The following STRADA variants were observed in gnomAD, a reference collection of about 807,000 sequenced individuals.
The protein encoded by STRADA is STE20 related adaptor alpha.
STRADA carries 26 observed loss-of-function variants against 55.0 expected under a neutral mutation model. That is an observed-to-expected ratio of 0.47 (90% CI 0.35 to 0.66). The LOEUF (loss-of-function observed/expected upper bound fraction) is 0.66, where lower values mean the gene tolerates loss of function less well. Among genes scored for constraint, STRADA ranks in the 30% least tolerant of loss-of-function variants. The pLI is 0.01. For missense variants in STRADA, 443 were observed against 549.7 expected (o/e 0.81, Z 1.94); for synonymous variants, 197 against 210.9 (o/e 0.93, Z 0.57).
chr17:63,714,338 C>G, intron 4 of STRADA: 2 of 455,026 alleles, frequency 4.4e-6, no homozygotes, highest in Admixed American at 6.3e-5. Flanking sequence ...AGACAAGGAC[C>G]TGTTCCCATC....
At chr17:63,728,486 A>C in intron 1 of STRADA, 73 bp from the exon 2 acceptor site, 1 of 795,180 alleles carries the variant, frequency 1.3e-6, no homozygotes, top group Non-Finnish European at 2.0e-6. Context: ...ATTAACAAAA[A>C]CTTATTACAG....
intron 1 of STRADA, among the ~76,000 whole-genome samples, chr17:63,740,532 TAAAG>T (rs938602742): frequency 2.0e-5 from 3 of 151,880 alleles, no homozygotes; most frequent in African/African-American, 7.3e-5. Context: ...AAAATAAAAA[TAAAG>T]AGAGAAAATA....
rs771962134 is a variant in STRADA, at chr17:63,740,086, C to CTATATATATATATA, written c.-45+1641_-45+1654dup. ...CCCAGCCTATCAGAAACATTTAACACTATATATATATATATATATATACAT... is the reference window on the plus strand; with the variant it reads ...CCCAGCCTATCAGAAACATTTAACACTATATATATATATATATATATATATATATATATATACAT... On this transcript the variant is annotated intron_variant, in intron 1 of 12. Coordinates refer to ENST00000336174, the MANE Select transcript of STRADA (RefSeq NM_001003787.4). Among the ~76,000 whole-genome samples, 281 of 41,506 alleles carry CTATATATATATATA rather than the reference C, an allele frequency of 6.8e-3. 29 individuals are homozygous for CTATATATATATATA. The highest frequency in any genetic ancestry group is 0.052 in the African/African-American group (257 of 4,986). 27.2% of individuals were successfully genotyped at this position (41,506 alleles called of 152,430 possible).
At chr17:63,716,542 G>A (rs925868302) in intron 4 of STRADA, among the ~76,000 whole-genome samples, 11 of 152,026 alleles carry the variant, frequency 7.2e-5, no homozygotes, top group East Asian at 3.8e-4. Context: ...TCATGTGAGC[G>A]TTCTCCAAGG....
intron 4 of STRADA, among the ~76,000 whole-genome samples, chr17:63,718,511 A>G: frequency 6.6e-6 from 1 of 152,196 alleles, no homozygotes; most frequent in African/African-American, 2.4e-5. Context: ...TTTCTTAAGT[A>G]TTAATCTATT....
chr17:63,714,821 G>C (rs997357879), intron 4 of STRADA, among the ~76,000 whole-genome samples: 1 of 152,236 alleles, frequency 6.6e-6, no homozygotes, highest in Non-Finnish European at 1.5e-5. Flanking sequence ...AGGTCCTAGA[G>C]GAAGGTGTCC....
rs557629042 is a variant in STRADA at position 63,707,726 on chromosome 17, AT to A, written c.582-309del. Among the ~76,000 whole-genome samples, 178 of 145,388 alleles carry A rather than the reference AT, an allele frequency of 1.2e-3. 2 individuals carry two copies. Among genetic ancestry groups the A allele is most frequent in the East Asian group, 9.4e-3 (47 of 5,004 alleles). On this transcript the variant is annotated intron_variant, in intron 8 of 12. Coordinates refer to ENST00000336174, the MANE Select transcript of STRADA (RefSeq NM_001003787.4). ...AGGTGTGCACCACCACACCCAGCTA[AT>A]TTTTTTTTTTCTTTTTTTTTTGAGA...
In STRADA at chr17:63,703,614, G is replaced by C; in HGVS notation, c.1281C>G (p.Asp427Glu). Reference sequence around the variant, plus strand: ...TTGCAGAGGCTCAGAACTCCCAATCGTCCACCTCCAGCTCTTCCAGGTTTG... The same window carrying C: ...TTGCAGAGGCTCAGAACTCCCAATCCTCCACCTCCAGCTCTTCCAGGTTTG... ...LVTNLEELEVDDWEF is the reference protein window; with the variant it reads ...LVTNLEELEVEDWEF Residue 427 changes from aspartate to glutamate, a missense_variant, in exon 13 of 13, where the codon GAC becomes GAG. Coordinates refer to ENST00000336174, the MANE Select transcript of STRADA (RefSeq NM_001003787.4). 1 of 1,613,946 alleles carries C rather than the reference G, an allele frequency of 6.2e-7. No homozygotes were observed. Among genetic ancestry groups the C allele is most frequent in the Non-Finnish European group, 8.5e-7 (1 of 1,179,914 alleles).
At chr17:63,735,061 A>G (rs2038319339) in intron 1 of STRADA, among the ~76,000 whole-genome samples, 1 of 152,130 alleles carries the variant, frequency 6.6e-6, no homozygotes, top group African/African-American at 2.4e-5. Context: ...AAGCTGAGAC[A>G]GGAGAATCGT....
At chr17:63,733,353 A>AT (rs2038200468) in intron 1 of STRADA, among the ~76,000 whole-genome samples, 1 of 81,340 alleles carries the variant, frequency 1.2e-5, no homozygotes, top group Non-Finnish European at 2.3e-5. Context: ...TCAGAATACA[A>AT]TCTTTTTTTT....
At chr17:63,720,886 C>T (rs930310540) in intron 4 of STRADA, among the ~76,000 whole-genome samples, 10 of 144,288 alleles carry the variant, frequency 6.9e-5, no homozygotes, top group Middle Eastern at 4.3e-3. Context: ...CATCTGAGGT[C>T]AGGAGTTCGA....
At chr17:63,718,414 CAACG>C (rs1352656330) in intron 4 of STRADA, among the ~76,000 whole-genome samples, 1 of 152,228 alleles carries the variant, frequency 6.6e-6, no homozygotes, top group Non-Finnish European at 1.5e-5. Context: ...TTAGAATTCA[CAACG>C]CTCATTTGGT....
chr17:63,741,320 CCTTACGAGGA>C (rs1889497073), intron 1 of STRADA: 1 of 152,262 alleles, frequency 6.6e-6, no homozygotes, highest in Non-Finnish European at 1.5e-5. Flanking sequence ...GATCTTGTGT[CCTTACGAGGA>C]CTTGACCCGC....
intron 1 of STRADA, among the ~76,000 whole-genome samples, chr17:63,738,482 T>C (rs1276899261): frequency 6.6e-6 from 1 of 152,194 alleles, no homozygotes. Context: ...GTCATTTCTC[T>C]GTCTCTCCTG....
At chr17:63,730,398 T>A (rs1297999304) in intron 1 of STRADA, among the ~76,000 whole-genome samples, 1 of 139,070 alleles carries the variant, frequency 7.2e-6, no homozygotes, top group Non-Finnish European at 1.6e-5. Flanking sequence ...CTTAGTTGAC[T>A]TTTTTTTTTT....
At chr17:63,719,115 C>T (rs1184745369) in intron 4 of STRADA, 1 of 152,214 alleles carries the variant, frequency 6.6e-6, no homozygotes, top group East Asian at 1.9e-4. Flanking sequence ...TTCCCACGGG[C>T]TAAAGAAGAG....
intron 3 of STRADA, chr17:63,726,365 C>A (rs948691462): frequency 5.1e-5 from 18 of 349,904 alleles, no homozygotes; most frequent in African/African-American, 3.6e-4. Flanking sequence ...AGTTTTCTTC[C>A]TTTAAAAATA....
At chr17:63,733,721 AGTATG>A (rs976860927) in intron 1 of STRADA, among the ~76,000 whole-genome samples, 2 of 152,362 alleles carry the variant, frequency 1.3e-5, no homozygotes, top group African/African-American at 4.8e-5. Flanking sequence ...TTGTACAAAC[AGTATG>A]GTTTATGCTG....
chr17:63,732,940 T>C (rs1446253659), intron 1 of STRADA, among the ~76,000 whole-genome samples: 4 of 151,968 alleles, frequency 2.6e-5, no homozygotes, highest in African/African-American at 9.7e-5. Context: ...CAGGCTGCAA[T>C]GCAATGGTGT....
Sources: allele counts gnomAD v4.1 joint callset (sites outside exome capture counted in the v4.1 genomes callset), GRCh38; gene constraint gnomAD v4.1.1; transcripts MANE v1.5; gene names NCBI Gene and HGNC (gene_info 2026-07-23, HGNC 2026-07-21).